The following BAX variants were observed in gnomAD, a reference collection of about 807,000 sequenced individuals.
BAX encodes the protein apoptosis regulator BAX.
BAX carries 21 observed loss-of-function variants against 26.8 expected under a neutral mutation model. The observed-to-expected ratio is 0.78, with a 90% CI of 0.56 to 1.13. The LOEUF (loss-of-function observed/expected upper bound fraction) is 1.13. BAX is among the 50% of genes most tolerant of loss of function. BAX has a pLI of 0.00. For synonymous variants in BAX, 110 were observed against 101.8 expected, an observed-to-expected ratio of 1.08 and a Z score of -0.49; for missense variants, 236 against 254.6, an observed-to-expected ratio of 0.93 and a Z score of 0.50.
chr19:48,959,047 C>G (rs930393990), intron 4 of BAX, among the ~76,000 whole-genome samples: 5 of 151,832 alleles, frequency 3.3e-5, no homozygotes, highest in African/African-American at 1.2e-4. Flanking sequence ...TTGATCTTCT[C>G]TGGTCCAGAA....
chr19:48,957,079 A>C (rs1239290147), intron 4 of BAX, among the ~76,000 whole-genome samples: 1 of 150,238 alleles, frequency 6.7e-6, no homozygotes, highest in East Asian at 2.0e-4. Flanking sequence ...GGGAAGAGGC[A>C]TCTGGTAGAG....
At chr19:48,958,694 G>A (rs995082140) in intron 4 of BAX, among the ~76,000 whole-genome samples, 4 of 151,858 alleles carry the variant, frequency 2.6e-5, no homozygotes, top group East Asian at 2.0e-4. Context: ...ACAGGCGTCC[G>A]CCACCACACC....
chr19:48,955,967 C>T (rs1425076102), intron 3 of BAX, 134 bp downstream of exon 3: 4 of 1,199,814 alleles, frequency 3.3e-6, no homozygotes, highest in Non-Finnish European at 4.5e-6. Flanking sequence ...ATTCCGGACT[C>T]CCAGCCCTCC....
chr19:48,955,110 C>A, intron 1 of BAX, 148 bp downstream of exon 1: 1 of 984,828 alleles, frequency 1.0e-6, no homozygotes, highest in Non-Finnish European at 1.3e-6. Context: ...CAGTCCCCTC[C>A]GTCCTCGGAG....
rs373780166 is a variant in BAX, at chr19:48,961,058, A to C, written c.474+144A>C. 7 of 1,609,404 alleles carry C rather than the reference A, an allele frequency of 4.3e-6. No homozygotes were observed. The African/African-American group carries it at 9.4e-5, about 22-fold the overall frequency. On this transcript the variant is annotated intron_variant, in intron 5 of 5. Coordinates refer to ENST00000345358, the MANE Select transcript of BAX (RefSeq NM_138761.4). ...GGTGCCCTCTCCCCATCTTCAGATC[A>C]TCAGATGTGGTCTATAATGCGTTTT...
At chr19:48,955,928 G>T in intron 3 of BAX, 95 bp downstream of exon 3, 1 of 1,425,896 alleles carries the variant, frequency 7.0e-7, no homozygotes, top group Non-Finnish European at 9.3e-7. Context: ...TAAGAACTAG[G>T]AGTCTGGGCC....
intron 5 of BAX, 67 bp downstream of exon 5, chr19:48,960,981 C>T: frequency 6.2e-7 from 1 of 1,612,568 alleles, no homozygotes; most frequent in African/African-American, 1.3e-5. Context: ...CCCACCGTCC[C>T]TGCCCCCCGC....
Position 48,960,649 on chromosome 19 carries a change from C to T in BAX, c.370-161C>T, listed in dbSNP as rs547126022. 1.1e-4 allele frequency among the ~76,000 whole-genome samples: 17 copies of T among 152,354 alleles called. No individual in the cohort carries two copies. The Middle Eastern group carries it at 0.01, about 91-fold the overall frequency. Reference sequence around the variant, plus strand: ...AAGTGCTGGGATTACAGGCATGAGCCGCCGCACCTGGCCATGTTTACAATT... The same window carrying T: ...AAGTGCTGGGATTACAGGCATGAGCTGCCGCACCTGGCCATGTTTACAATT... On this transcript the variant is annotated intron_variant, in intron 4 of 5. Transcript: ENST00000345358.
chr19:48,961,217 G>T, intron 5 of BAX: 2 of 1,466,982 alleles, frequency 1.4e-6, no homozygotes, highest in Non-Finnish European at 1.8e-6. Context: ...AATTGCTCAA[G>T]TTCATTGATG....
intron 4 of BAX, chr19:48,960,094 T>C: frequency 3.1e-6 from 1 of 327,788 alleles, no homozygotes; most frequent in South Asian, 2.3e-5. Context: ...TGGGCTGCAC[T>C]GTGCCTTCGG....
chr19:48,956,091 C>T (rs558941845), intron 3 of BAX, 107 bp from the exon 4 acceptor site: 1 of 1,374,268 alleles, frequency 7.3e-7, no homozygotes, highest in South Asian at 1.6e-5. Context: ...TCATTTCAGC[C>T]TGGCTTGGGG....
intron 4 of BAX, among the ~76,000 whole-genome samples, chr19:48,958,568 GTCTC>G (rs1381476241): frequency 6.8e-6 from 1 of 147,684 alleles, no homozygotes; most frequent in Non-Finnish European, 1.5e-5. Flanking sequence ...CTGAGACGGA[GTCTC>G]TCTCGGTTGC....
At chr19:48,956,609 A>G (rs2038142233) in intron 4 of BAX, among the ~76,000 whole-genome samples, 1 of 152,014 alleles carries the variant, frequency 6.6e-6, no homozygotes, top group Admixed American at 6.6e-5. Context: ...GGGTGAAGTA[A>G]AGTGGGCAGT....
chr19:48,958,303 C>T (rs2038216129), intron 4 of BAX, among the ~76,000 whole-genome samples: 2 of 149,558 alleles, frequency 1.3e-5, no homozygotes, highest in Non-Finnish European at 3.0e-5. Context: ...GCTATGTTGT[C>T]CAGGCTGGTC....
Position 48,960,882 on chromosome 19 carries a change from C to G in BAX, c.442C>G (p.Leu148Val). Residue 148 changes from leucine (L) to valine (V), a missense_variant, in exon 5 of 6, where the codon CTG becomes GTG. Physicochemically the swap from Leu to Val is conservative, Grantham distance 32. Transcript: ENST00000345358. ...GACATTGGACTTCCTCCGGGAGCGG[C>G]TGTTGGGCTGGATCCAAGACCAGGG... Reference protein sequence around the residue: ...GWTLDFLRERLLGWIQDQGGW... With the variant: ...GWTLDFLRERVLGWIQDQGGW... 1 of 1,614,174 alleles carries G rather than the reference C, an allele frequency of 6.2e-7. No homozygotes were observed. Among genetic ancestry groups the G allele is most frequent in the Non-Finnish European group, 8.5e-7 (1 of 1,180,028 alleles).
At chr19:48,961,049 C>G (rs1280787525) in intron 5 of BAX, 135 bp downstream of exon 5, 1 of 1,610,840 alleles carries the variant, frequency 6.2e-7, no homozygotes, top group South Asian at 1.1e-5. Flanking sequence ...CTCTCCCCAT[C>G]TTCAGATCAT....
intron 5 of BAX, chr19:48,961,306 C>T (rs979675067): frequency 8.7e-6 from 12 of 1,386,400 alleles, no homozygotes; most frequent in Middle Eastern, 2.3e-4. Context: ...AGGTTGGTCT[C>T]GAACTCCTGG....
chr19:48,960,382 A>G (rs375540705), intron 4 of BAX: 1 of 322,022 alleles, frequency 3.1e-6, no homozygotes, highest in South Asian at 2.3e-5. Flanking sequence ...ATTTATTTTG[A>G]GATGGAGTTT....
intron 4 of BAX, among the ~76,000 whole-genome samples, chr19:48,956,779 C>A (rs1249377678): frequency 6.7e-6 from 1 of 148,908 alleles, no homozygotes; most frequent in Non-Finnish European, 1.5e-5. Context: ...CCTCAGCTTC[C>A]TGAGTAGCTG....
Sources: gnomAD v4.1 joint callset for allele counts (sites outside exome capture counted in the v4.1 genomes callset) on GRCh38, gnomAD v4.1.1 for gene constraint, MANE v1.5 for transcripts, NCBI Gene and HGNC (gene_info 2026-07-23, HGNC 2026-07-21) for gene names.